The following ST6GALNAC3 variants were observed in gnomAD, a reference collection of about 807,000 sequenced individuals.
ST6GALNAC3 encodes alpha-N-acetylgalactosaminide alpha-2,6-sialyltransferase 3.
A neutral mutation model predicts 32.7 loss-of-function variants in ST6GALNAC3; 25 were observed. The observed-to-expected ratio is 0.76, with a 90% CI of 0.56 to 1.07. The LOEUF (loss-of-function observed/expected upper bound fraction) is 1.07. Ranked by LOEUF, ST6GALNAC3 falls within the 50% of genes least tolerant of loss-of-function variation. The pLI is 0.00. For synonymous variants in ST6GALNAC3, 129 were observed against 133.1 expected, an observed-to-expected ratio of 0.97 and a Z score of 0.21; for missense variants, 355 against 382.4, an observed-to-expected ratio of 0.93 and a Z score of 0.60.
chr1:76,409,039 G>A (rs558912275), intron 2 of ST6GALNAC3, among the ~76,000 whole-genome samples: 24 of 152,278 alleles, frequency 1.6e-4, no homozygotes, highest in African/African-American at 5.3e-4. Context: ...TCTCTATTGT[G>A]TAAAAGAAGG....
chr1:76,515,232 T>C (rs952323888), intron 3 of ST6GALNAC3, among the ~76,000 whole-genome samples: 2 of 152,176 alleles, frequency 1.3e-5, no homozygotes, highest in African/African-American at 2.4e-5. Flanking sequence ...AGTTTCTTCA[T>C]AATTTAATCT....
intron 3 of ST6GALNAC3, among the ~76,000 whole-genome samples, chr1:76,582,208 T>C (rs1439952378): frequency 1.3e-5 from 2 of 152,130 alleles, no homozygotes; most frequent in South Asian, 2.1e-4. Context: ...GGATATTAGA[T>C]TTTAGTAGAA....
At chr1:76,183,841 G>A (rs2100472198) in intron 1 of ST6GALNAC3, among the ~76,000 whole-genome samples, 1 of 75,118 alleles carries the variant, frequency 1.3e-5, no homozygotes, top group East Asian at 3.2e-4. Context: ...TGACCAAAAT[G>A]TAGTGCATGA....
intron 1 of ST6GALNAC3, among the ~76,000 whole-genome samples, chr1:76,115,683 G>A (rs1209450517): frequency 1.3e-5 from 2 of 152,044 alleles, no homozygotes; most frequent in Non-Finnish European, 2.9e-5. Flanking sequence ...CTTTGTTTTC[G>A]GGGTTACCTT....
At chr1:76,539,229 G>A (rs1663825909) in intron 3 of ST6GALNAC3, among the ~76,000 whole-genome samples, 2 of 152,204 alleles carry the variant, frequency 1.3e-5, no homozygotes, top group Admixed American at 1.3e-4. Context: ...ACAACCATCT[G>A]ATCTTTGACA....
intron 3 of ST6GALNAC3, among the ~76,000 whole-genome samples, chr1:76,585,379 C>G (rs1251583353): frequency 3.5e-5 from 4 of 114,266 alleles, no homozygotes; most frequent in East Asian, 5.1e-4. Context: ...GAGTGAGACT[C>G]CTTCTCAAAA....
At chr1:76,257,420 G>T (rs1430488715) in intron 1 of ST6GALNAC3, among the ~76,000 whole-genome samples, 3 of 152,082 alleles carry the variant, frequency 2.0e-5, no homozygotes, top group African/African-American at 7.2e-5. Flanking sequence ...GTAGCCCCCT[G>T]TAAGATTCTG....
chr1:76,403,607 G>A (rs536716965), intron 2 of ST6GALNAC3, among the ~76,000 whole-genome samples: 4 of 152,100 alleles, frequency 2.6e-5, no homozygotes, highest in East Asian at 1.9e-4. Context: ...GTGGACTCCC[G>A]CCATTGCCAT....
chr1:76,101,965 G>C (rs953352099), intron 1 of ST6GALNAC3, among the ~76,000 whole-genome samples: 1 of 152,150 alleles, frequency 6.6e-6, no homozygotes, highest in African/African-American at 2.4e-5. Flanking sequence ...TATTTGTTGA[G>C]TGCAATGTTC....
intron 1 of ST6GALNAC3, among the ~76,000 whole-genome samples, chr1:76,110,165 C>T (rs413540): frequency 0.61 from 92,891 of 152,094 alleles, 28,934 homozygotes; most frequent in African/African-American, 0.69. Flanking sequence ...TCCACATATG[C>T]GGAGAACTCT....
At chr1:76,126,424 T>TTTCCTTCCTTCC (rs770778690) in intron 1 of ST6GALNAC3, among the ~76,000 whole-genome samples, 9 of 73,410 alleles carry the variant, frequency 1.2e-4, no homozygotes, top group Admixed American at 2.6e-4. Flanking sequence ...CCCTCCTGCC[T>TTTCCTTCCTTCC]TTCCTTCCTT....
At chr1:76,108,210 C>A (rs1444104986) in intron 1 of ST6GALNAC3, among the ~76,000 whole-genome samples, 2 of 152,166 alleles carry the variant, frequency 1.3e-5, no homozygotes, top group African/African-American at 2.4e-5. Context: ...TGAAGCTGTT[C>A]TCTCTGAGTG....
chr1:76,511,125 A>G (rs900046738), intron 3 of ST6GALNAC3, among the ~76,000 whole-genome samples: 1 of 152,058 alleles, frequency 6.6e-6, no homozygotes, highest in Non-Finnish European at 1.5e-5. Context: ...GTCTTTTGCC[A>G]AAGCTTCCTA....
Position 76,412,015 on chromosome 1 carries a change from A to C in ST6GALNAC3, c.221A>C (p.Gln74Pro). 1 of 1,611,712 alleles carries C rather than the reference A, an allele frequency of 6.2e-7. No individual in the cohort carries two copies. Among genetic ancestry groups the C allele is most frequent in the Non-Finnish European group, 8.5e-7 (1 of 1,178,554 alleles). The change falls in exon 3 of 5, where the codon CAA becomes CCA. Residue 74 changes from glutamine to proline, a missense_variant. Transcript: ENST00000328299. The stretch of plus-strand genomic sequence containing the variant: ...TCTTTCTCTATTTTTCAGCCTTTGC[A>C]ACTGGACTGTGACCTTTGTGCCATA... ...YINVKTQEPL[Q>P]LDCDLCAIVS...
rs371089897 is a variant in ST6GALNAC3, at chr1:76,379,707, C to T, written c.214-32301C>T. 4.0e-4 allele frequency among the ~76,000 whole-genome samples: 61 copies of T among 152,288 alleles called. No homozygotes were observed. The South Asian group carries it at 0.012, about 30-fold the overall frequency. Reference sequence around the variant, plus strand: ...AAGTGGTCAAATTTGGCATCTGAGACCTGAGAGTGGCCTCCTGTGGGTCCT... The same window carrying T: ...AAGTGGTCAAATTTGGCATCTGAGATCTGAGAGTGGCCTCCTGTGGGTCCT... On this transcript the variant is annotated intron_variant, in intron 2 of 4. Transcript: ENST00000328299.
intron 1 of ST6GALNAC3, among the ~76,000 whole-genome samples, chr1:76,116,383 C>T (rs1237276194): frequency 2.6e-5 from 4 of 152,126 alleles, no homozygotes; most frequent in Non-Finnish European, 4.4e-5. Flanking sequence ...AGCTTGACCA[C>T]CTCTCCTTTA....
chr1:76,305,005 C>T (rs980759002), intron 1 of ST6GALNAC3, among the ~76,000 whole-genome samples: 4 of 152,052 alleles, frequency 2.6e-5, no homozygotes, highest in African/African-American at 9.7e-5. Context: ...TTCCGATTAC[C>T]TTCATTGTTC....
At chr1:76,468,778 T>A (rs542678945) in intron 3 of ST6GALNAC3, among the ~76,000 whole-genome samples, 2 of 152,194 alleles carry the variant, frequency 1.3e-5, no homozygotes, top group Admixed American at 1.3e-4. Context: ...TGATTTCAAA[T>A]CAATATAATT....
At chr1:76,458,024 C>A (rs368801867) in intron 3 of ST6GALNAC3, among the ~76,000 whole-genome samples, 13 of 145,108 alleles carry the variant, frequency 9.0e-5, no homozygotes, top group Non-Finnish European at 1.1e-4. Context: ...CAATGAACTC[C>A]AACAAATTTA....
Sources: gnomAD v4.1 joint callset for allele counts (sites outside exome capture counted in the v4.1 genomes callset) on GRCh38, gnomAD v4.1.1 for gene constraint, MANE v1.5 for transcripts, NCBI Gene and HGNC (gene_info 2026-07-23, HGNC 2026-07-21) for gene names.